The following TEX9 variants were observed in gnomAD, a reference collection of about 807,000 sequenced individuals.
TEX9 encodes the protein testis-expressed protein 9.
TEX9 carries 74 observed loss-of-function variants against 59.6 expected under a neutral mutation model. That is an observed-to-expected ratio of 1.24 (90% CI 1.03 to 1.51). The LOEUF is 1.51. Ranked by LOEUF, TEX9 falls within the 40% of genes most tolerant of loss-of-function variation. The pLI is 0.00. For synonymous variants in TEX9, 186 were observed against 152.2 expected (o/e 1.22, Z -1.64); for missense variants, 522 against 447.8 (o/e 1.17, Z -1.49).
intron 1 of TEX9, among the ~76,000 whole-genome samples, chr15:56,257,099 C>T (rs1289244338): frequency 6.6e-6 from 1 of 152,038 alleles, no homozygotes; most frequent in Non-Finnish European, 1.5e-5. Context: ...CCATCCATGT[C>T]CCAGCAAAGG....
intron 9 of TEX9, among the ~76,000 whole-genome samples, chr15:56,400,716 T>C (rs549813579): frequency 2.0e-5 from 3 of 151,438 alleles, no homozygotes; most frequent in Non-Finnish European, 4.4e-5. Flanking sequence ...AAGGAAAAAA[T>C]GTTAAGGGCA....
chr15:56,431,355 G>T (rs760539416), intron 12 of TEX9: 2 of 1,607,448 alleles, frequency 1.2e-6, no homozygotes, highest in African/African-American at 1.3e-5. Flanking sequence ...ATTACAACTT[G>T]AGATAAATCT....
chr15:56,365,320 G>T (rs2046882414), upstream of TEX9: 2 of 1,269,808 alleles, frequency 1.6e-6, no homozygotes, highest in Admixed American at 5.7e-5. Context: ...GCTGCCAGAG[G>T]CTCGCGCCGC....
At chr15:56,394,307 CA>C (rs2048352922) in intron 8 of TEX9, 60 bp downstream of exon 8, 1 of 1,376,510 alleles carries the variant, frequency 7.3e-7, no homozygotes, top group South Asian at 1.4e-5. Context: ...GGAGCAATTT[CA>C]ATTACATTTT....
At chr15:56,451,924 GA>G in the TEX9 span, among the ~76,000 whole-genome samples, 2 of 152,096 alleles carry the variant, frequency 1.3e-5, no homozygotes, top group African/African-American at 4.8e-5. Flanking sequence ...TATGGACAGA[GA>G]AAATACTATG....
chr15:56,319,585 G>T (rs900702987), intron 1 of TEX9, among the ~76,000 whole-genome samples: 5 of 152,028 alleles, frequency 3.3e-5, no homozygotes, highest in Non-Finnish European at 7.4e-5. Flanking sequence ...CAGTTTTAAT[G>T]TTGAAACTTC....
At chr15:56,458,142 T>G in the TEX9 span, among the ~76,000 whole-genome samples, 3 of 152,232 alleles carry the variant, frequency 2.0e-5, no homozygotes, top group South Asian at 4.1e-4. Context: ...ATGCCATTTA[T>G]GTAACATTCT....
At chr15:56,264,521 G>C (rs1454868466) in intron 1 of TEX9, among the ~76,000 whole-genome samples, 1 of 152,102 alleles carries the variant, frequency 6.6e-6, no homozygotes, top group Non-Finnish European at 1.5e-5. Context: ...TTTTCTCTCA[G>C]TCTGTTGCTT....
At chr15:56,388,136 A>G (rs2048045531) in intron 4 of TEX9, among the ~76,000 whole-genome samples, 1 of 152,040 alleles carries the variant, frequency 6.6e-6, no homozygotes, top group Non-Finnish European at 1.5e-5. Flanking sequence ...TGGGCTTACA[A>G]TAAAAAGCCC....
intron 1 of TEX9, among the ~76,000 whole-genome samples, chr15:56,332,617 A>G (rs2046173474): frequency 2.2e-5 from 1 of 45,446 alleles, no homozygotes; most frequent in Non-Finnish European, 5.7e-5. Flanking sequence ...CTTAAAATAT[A>G]AAAAAAAAAA....
intron 10 of TEX9, among the ~76,000 whole-genome samples, chr15:56,413,464 C>T (rs2049509105): frequency 6.6e-6 from 1 of 151,064 alleles, no homozygotes; most frequent in Non-Finnish European, 1.5e-5. Flanking sequence ...AGTAGTGTAA[C>T]ATAGATTCAC....
chr15:56,253,338 T>C (rs2044072770), intron 1 of TEX9, among the ~76,000 whole-genome samples: 1 of 152,136 alleles, frequency 6.6e-6, no homozygotes, highest in South Asian at 2.1e-4. Flanking sequence ...ACACATGCTA[T>C]GTCAGAGAGT....
chr15:56,417,469 G>A (rs1415616816), intron 10 of TEX9, among the ~76,000 whole-genome samples: 1 of 151,726 alleles, frequency 6.6e-6, no homozygotes, highest in Non-Finnish European at 1.5e-5. Context: ...ATTGAGGAGC[G>A]TGTTGTTTAA....
intron 1 of TEX9, among the ~76,000 whole-genome samples, chr15:56,265,330 CT>C (rs1313947582): frequency 6.6e-6 from 1 of 150,614 alleles, no homozygotes. Flanking sequence ...CCAGGCCCAG[CT>C]TTTTTTTTAT....
At chr15:56,332,616 T>TAAA (rs71110384) in intron 1 of TEX9, among the ~76,000 whole-genome samples, 32 of 138,462 alleles carry the variant, frequency 2.3e-4, no homozygotes, top group African/African-American at 4.6e-4. Flanking sequence ...ACTTAAAATA[T>TAAA]AAAAAAAAAA....
chr15:56,284,771 A>G (rs2044906385), intron 1 of TEX9, among the ~76,000 whole-genome samples: 1 of 152,054 alleles, frequency 6.6e-6, no homozygotes, highest in Non-Finnish European at 1.5e-5. Context: ...CCTCACTGCC[A>G]TTGGCTTGAC....
intron 1 of TEX9, among the ~76,000 whole-genome samples, chr15:56,333,718 A>G (rs897496744): frequency 3.9e-5 from 6 of 152,206 alleles, no homozygotes; most frequent in Non-Finnish European, 8.8e-5. Context: ...CCACATTGGA[A>G]AGGAAAAAGT....
intron 12 of TEX9, chr15:56,443,530 T>A: frequency 1.9e-6 from 3 of 1,589,658 alleles, no homozygotes; most frequent in Non-Finnish European, 2.6e-6. Flanking sequence ...TTCTAATTTC[T>A]GTGTCAACTA....
At chr15:56,386,143 T>A (rs2047950423) in intron 4 of TEX9, among the ~76,000 whole-genome samples, 1 of 152,040 alleles carries the variant, frequency 6.6e-6, no homozygotes, top group South Asian at 2.1e-4. Context: ...ACTAATAGAA[T>A]AACAACATAG....
Sources: allele counts gnomAD v4.1 joint callset (sites outside exome capture counted in the v4.1 genomes callset), GRCh38; gene constraint gnomAD v4.1.1; transcripts MANE v1.5; gene names NCBI Gene and HGNC (gene_info 2026-07-23, HGNC 2026-07-21).